MTUS2: variants seen among roughly 807,000 people sequenced by gnomAD.
The protein encoded by MTUS2 is microtubule associated scaffold protein 2.
A neutral mutation model predicts 114.1 loss-of-function variants in MTUS2; 40 were observed. The ratio of observed to expected loss-of-function variants is 0.35; its 90% CI spans 0.27 to 0.46. The LOEUF (loss-of-function observed/expected upper bound fraction) is 0.46, where lower values mean the gene tolerates loss of function less well. Ranked by LOEUF, MTUS2 falls within the 20% of genes least tolerant of loss-of-function variation. The pLI, the probability that MTUS2 is intolerant of heterozygous loss-of-function variation, is 1.00. For missense variants in MTUS2, 1,679 were observed against 1,705.4 expected, an observed-to-expected ratio of 0.98 and a Z score of 0.27; for synonymous variants, 688 against 672.0, an observed-to-expected ratio of 1.02 and a Z score of -0.37.
At chr13:29,433,946 C>T (rs925157766) in intron 8 of MTUS2, among the ~76,000 whole-genome samples, 1 of 152,146 alleles carries the variant, frequency 6.6e-6, no homozygotes, top group Non-Finnish European at 1.5e-5. Context: ...CTATAGCTCT[C>T]TTATTTAATT....
intron 2 of MTUS2, among the ~76,000 whole-genome samples, chr13:29,017,217 T>C (rs917098454): frequency 6.6e-6 from 1 of 152,210 alleles, no homozygotes; most frequent in Non-Finnish European, 1.5e-5. Flanking sequence ...TTTTGGATTT[T>C]TTTGCATTGT....
intron 9 of MTUS2, among the ~76,000 whole-genome samples, chr13:29,478,317 G>T (rs1256751787): frequency 6.6e-6 from 1 of 152,212 alleles, no homozygotes; most frequent in Non-Finnish European, 1.5e-5. Flanking sequence ...TGACAGTGCG[G>T]TGGTTAAGTT....
chr13:29,378,329 C>T (rs7988487), intron 8 of MTUS2, among the ~76,000 whole-genome samples: 73,603 of 151,594 alleles, frequency 0.49, 19,748 homozygotes, highest in East Asian at 0.66. Context: ...TGGTTGTTTT[C>T]TTATTGTCCT....
At chr13:29,198,403 G>A (rs952981589) in intron 5 of MTUS2, among the ~76,000 whole-genome samples, 1 of 152,088 alleles carries the variant, frequency 6.6e-6, no homozygotes, top group African/African-American at 2.4e-5. Flanking sequence ...TATTTCTGAG[G>A]CCTCTGTTCT....
At chr13:29,157,190 A>G (rs1156741270) in intron 5 of MTUS2, among the ~76,000 whole-genome samples, 10 of 152,154 alleles carry the variant, frequency 6.6e-5, no homozygotes, top group Non-Finnish European at 1.2e-4. Flanking sequence ...GCATATCTGC[A>G]CATATCTTTT....
At chr13:29,401,286 G>C (rs1410920240) in intron 8 of MTUS2, among the ~76,000 whole-genome samples, 1 of 152,144 alleles carries the variant, frequency 6.6e-6, no homozygotes, top group Non-Finnish European at 1.5e-5. Flanking sequence ...TTACAGGTGT[G>C]AGCCACCATG....
At chr13:29,299,409 G>C (rs1899093958) in intron 6 of MTUS2, among the ~76,000 whole-genome samples, 1 of 152,218 alleles carries the variant, frequency 6.6e-6, no homozygotes. Flanking sequence ...TGAACGCTTT[G>C]TTAGATACCT....
At chr13:29,184,406 A>G (rs976833840) in intron 5 of MTUS2, among the ~76,000 whole-genome samples, 2 of 152,112 alleles carry the variant, frequency 1.3e-5, no homozygotes, top group African/African-American at 4.8e-5. Flanking sequence ...TCTAAAGACC[A>G]TGCTTCTACC....
rs2992393 is a variant in MTUS2 at position 29,287,869 on chromosome 13, C to T, written c.2806+6004C>T. Reference sequence around the variant, plus strand: ...AGATGAGTGAGACACGATTCCTGTCCCCACAGGGTTCACAGGCTGATGGCG... The same window carrying T: ...AGATGAGTGAGACACGATTCCTGTCTCCACAGGGTTCACAGGCTGATGGCG... On this transcript the variant is annotated intron_variant, in intron 6 of 15. Transcript: ENST00000612955. Among the ~76,000 whole-genome samples, 919 of 152,226 alleles carry T rather than the reference C, an allele frequency of 6.0e-3. 11 individuals carry two copies. Among genetic ancestry groups the T allele is most frequent in the African/African-American group, 0.021 (880 of 41,538 alleles).
At position 29,487,996 on chromosome 13, in the gene MTUS2, A is replaced by G. The variant is rs915658694; in HGVS notation, c.3496A>G (p.Lys1166Glu). The change falls in exon 11 of 16, where the codon AAA becomes GAA. Residue 1166 changes from lysine (K) to glutamate (E), a missense_variant. Physicochemically the swap from Lys to Glu is moderately conservative, Grantham distance 56 (BLOSUM62 1). This residue lies in a region of MTUS2 where 822 missense variants were observed against 899.7 expected (regional missense o/e 0.91). Coordinates refer to ENST00000612955, the MANE Select transcript of MTUS2 (RefSeq NM_001033602.4). The stretch of plus-strand genomic sequence containing the variant: ...AATCCTGCAGGATGACCACGACCAC[A>G]AAGTCCAAGGTAGCTCCCAGCCTCG... Reference protein sequence around the residue: ...ITILQDDHDHKVQELMSTHEL... With the variant: ...ITILQDDHDHEVQELMSTHEL... The G allele has an allele frequency of 4.3e-6, 7 of 1,613,340 alleles. No homozygotes were observed. Among genetic ancestry groups the G allele is most frequent in the Non-Finnish European group, 5.1e-6 (6 of 1,179,544 alleles).
At chr13:29,128,454 T>A (rs1308179109) in intron 5 of MTUS2, among the ~76,000 whole-genome samples, 1 of 151,884 alleles carries the variant, frequency 6.6e-6, no homozygotes. Context: ...GCAAAAGAGG[T>A]CTTCAGGATT....
intron 2 of MTUS2, among the ~76,000 whole-genome samples, chr13:28,994,863 C>T (rs1196366190): frequency 6.6e-6 from 1 of 152,152 alleles, no homozygotes; most frequent in Admixed American, 6.5e-5. Context: ...CCTGTTCACT[C>T]TGATGGTGGT....
chr13:29,485,233 T>C (rs1881512968), intron 10 of MTUS2: 1 of 152,674 alleles, frequency 6.5e-6, no homozygotes, highest in Non-Finnish European at 1.5e-5. Context: ...TTAAATCTCC[T>C]CCAATTCCTT....
At chr13:29,421,179 A>G (rs564369932) in intron 8 of MTUS2, among the ~76,000 whole-genome samples, 2 of 152,052 alleles carry the variant, frequency 1.3e-5, no homozygotes, top group South Asian at 2.1e-4. Flanking sequence ...TCTGTTTTCT[A>G]TTTTTCCTTT....
chr13:29,130,714 C>T (rs1197918591), intron 5 of MTUS2, among the ~76,000 whole-genome samples: 4 of 152,168 alleles, frequency 2.6e-5, no homozygotes, highest in South Asian at 2.1e-4. Flanking sequence ...CAACCTCCAC[C>T]TCCTGCGTTC....
intron 8 of MTUS2, among the ~76,000 whole-genome samples, chr13:29,386,307 A>G (rs1009018954): frequency 1.3e-5 from 2 of 152,212 alleles, no homozygotes; most frequent in African/African-American, 2.4e-5. Flanking sequence ...CCAGTGACTT[A>G]TAGCCCATGG....
intron 5 of MTUS2, among the ~76,000 whole-genome samples, chr13:29,103,035 A>G (rs986738657): frequency 4.6e-5 from 7 of 152,172 alleles, no homozygotes; most frequent in African/African-American, 1.7e-4. Context: ...GAAACAGCCA[A>G]TGTGGTATCA....
intron 9 of MTUS2, among the ~76,000 whole-genome samples, chr13:29,444,288 G>A (rs964462546): frequency 3.9e-5 from 6 of 152,178 alleles, no homozygotes; most frequent in African/African-American, 1.4e-4. Flanking sequence ...AATTAGCTAG[G>A]TGTGGTGGTG....
rs189438951 is a variant in MTUS2, at chr13:29,463,866, G to A, written c.3185-16284G>A. On this transcript the variant is annotated intron_variant, in intron 9 of 15. Transcript: ENST00000612955. The stretch of plus-strand genomic sequence containing the variant: ...ATATGAAAATTAGCCAGGTGTGGTG[G>A]CACGTACCTGTAATCCCAGCTACTC... 1.1e-3 allele frequency among the ~76,000 whole-genome samples: 164 copies of A among 152,306 alleles called. No homozygotes were observed. The South Asian group carries it at 0.011, about 10-fold the overall frequency.
Sources: gnomAD v4.1 joint callset for allele counts (sites outside exome capture counted in the v4.1 genomes callset) on GRCh38, gnomAD v4.1.1 for gene constraint, gnomAD v4.1.1 regional missense constraint, MANE v1.5 for transcripts, NCBI Gene and HGNC (gene_info 2026-07-23, HGNC 2026-07-21) for gene names.